Variants in VASH2 observed in about 807,000 individuals in gnomAD.
VASH2 encodes tubulinyl-Tyr carboxypeptidase 2.
VASH2 carries 28 observed loss-of-function variants against 37.2 expected under a neutral mutation model. That is an observed-to-expected ratio of 0.75 (90% CI 0.56 to 1.03). The LOEUF is 1.03. VASH2 is among the 50% of genes least tolerant of loss of function. VASH2 has a pLI of 0.00. For missense variants in VASH2, 419 were observed against 459.1 expected (o/e 0.91, Z 0.80); for synonymous variants, 188 against 174.7 (o/e 1.08, Z -0.60).
At chr1:212,968,151 T>G in intron 5 of VASH2, 62 of 948,848 alleles carry the variant, frequency 6.5e-5, no homozygotes, top group East Asian at 1.2e-4. Context: ...GATGTCGGAA[T>G]GAGGTATTTG....
chr1:212,970,687 C>T (rs138952261), intron 5 of VASH2, among the ~76,000 whole-genome samples: 3 of 152,014 alleles, frequency 2.0e-5, no homozygotes, highest in South Asian at 4.2e-4. Flanking sequence ...GTCAGGAGTT[C>T]GAGACCAGCC....
chr1:212,988,800 G>T lies in VASH2; in HGVS notation c.*216G>T. 1 of 557,714 alleles carries T rather than the reference G, an allele frequency of 1.8e-6. No individual in the cohort carries two copies. 34.5% of individuals were successfully genotyped at this position (557,714 alleles called of 1,614,324 possible). On this transcript the variant is annotated 3_prime_UTR_variant, in exon 8 of 8. Transcript: ENST00000517399. ...GGCTGAAGTAATAAGCCCCACTGGG[G>T]TTGGACTATGTCCCTCACTCAAGAT...
At chr1:212,961,060 C>A in intron 2 of VASH2, 106 bp from the exon 3 acceptor site, 2 of 1,104,802 alleles carry the variant, frequency 1.8e-6, no homozygotes, top group Admixed American at 1.8e-5. Context: ...CATCGGCTCT[C>A]AGGAGCACCT....
At chr1:212,967,463 C>A (rs1481123512) in intron 5 of VASH2, 7 of 1,166,898 alleles carry the variant, frequency 6.0e-6, no homozygotes, top group Non-Finnish European at 7.5e-6. Flanking sequence ...CACTGCAAGA[C>A]AGGAGCTTGA....
chr1:212,958,419 G>A (rs980734746), intron 2 of VASH2, among the ~76,000 whole-genome samples: 39 of 152,230 alleles, frequency 2.6e-4, no homozygotes, highest in Non-Finnish European at 2.9e-5. Flanking sequence ...CCATGCAGCT[G>A]TTTTTAAAAG....
chr1:212,973,009 A>G (rs756220304), intron 6 of VASH2, 48 bp downstream of exon 6: 1 of 1,574,308 alleles, frequency 6.4e-7, no homozygotes. Context: ...CTCTTTTCCC[A>G]TTCCTTTCTC....
At chr1:212,973,444 GA>G (rs1367276689) in intron 6 of VASH2, 8 of 1,291,026 alleles carry the variant, frequency 6.2e-6, no homozygotes, top group Non-Finnish European at 8.1e-6. Context: ...GTCACTAAGA[GA>G]AAAGGATTAT....
chr1:212,955,940 G>A (rs1666476124), intron 2 of VASH2, among the ~76,000 whole-genome samples: 1 of 152,222 alleles, frequency 6.6e-6, no homozygotes, highest in Non-Finnish European at 1.5e-5. Flanking sequence ...CAGGAGCCTG[G>A]GGCTCATTCT....
At chr1:212,959,350 C>A (rs1406675384) in intron 2 of VASH2, among the ~76,000 whole-genome samples, 3 of 152,052 alleles carry the variant, frequency 2.0e-5, no homozygotes, top group Admixed American at 1.3e-4. Context: ...TCTCAGACAG[C>A]AATGTGATTG....
chr1:212,983,443 A>G (rs987792156), intron 7 of VASH2, among the ~76,000 whole-genome samples: 3 of 152,210 alleles, frequency 2.0e-5, no homozygotes, highest in Non-Finnish European at 2.9e-5. Flanking sequence ...CAAGTGTGCA[A>G]AGGGGCCAAA....
chr1:212,975,891 T>G (rs1667156054), intron 7 of VASH2, among the ~76,000 whole-genome samples: 1 of 152,210 alleles, frequency 6.6e-6, no homozygotes, highest in Admixed American at 6.5e-5. Context: ...GGCAATGGAT[T>G]CCTGCACAGA....
intron 2 of VASH2, among the ~76,000 whole-genome samples, 195 bp downstream of exon 2, chr1:212,952,013 A>G (rs990482989): frequency 1.3e-5 from 2 of 152,150 alleles, no homozygotes; most frequent in African/African-American, 4.8e-5. Context: ...GAAATGGGGA[A>G]GGGAGAGGTA....
rs751052622 is a variant in VASH2, at chr1:212,972,809, G to A, written c.727G>A (p.Val243Ile). ...CTCTTACAAGAAATACCTGCACACA[G>A]TCAAGAAGGTCAAGATTGGGCTGTA... is the stretch of plus-strand genomic sequence containing the variant. ...EDSYKKYLHT[V>I]KKVKIGLYVP... The change falls in exon 6 of 8, where the codon GTC (valine) becomes ATC (isoleucine). Residue 243 changes from valine (V) to isoleucine (I), a missense_variant. By Grantham distance (29) the Val-to-Ile change is conservative. Around this residue, in one of 3 missense-constraint regions of VASH2, gnomAD observed 177 missense variants for 166.2 expected, o/e 1.06. Coordinates refer to ENST00000517399, the MANE Select transcript of VASH2 (RefSeq NM_001301056.2). 6.2e-7 allele frequency: 1 copy of A among 1,614,214 alleles called. No homozygotes were observed. The highest frequency in any genetic ancestry group is 8.5e-7 in the Non-Finnish European group (1 of 1,180,050).
chr1:212,968,812 A>G (rs1666922581), intron 5 of VASH2: 3 of 985,524 alleles, frequency 3.0e-6, no homozygotes, highest in Non-Finnish European at 3.6e-6. Context: ...AGATCAACGA[A>G]GGGGAACACA....
chr1:212,973,438 C>G, intron 6 of VASH2: 1 of 1,291,248 alleles, frequency 7.7e-7, no homozygotes, highest in Non-Finnish European at 1.0e-6. Context: ...TGTGCAGTCA[C>G]TAAGAGAAAA....
In VASH2 at chr1:212,989,125, T is replaced by G. The variant is rs61832447; in HGVS notation, c.*541T>G. ...CTTTCCCCAGTATTTCCCATGGGGATCTCCACAAGTTTGGAGTTTTTTCCT... is the reference window on the plus strand; with the variant it reads ...CTTTCCCCAGTATTTCCCATGGGGAGCTCCACAAGTTTGGAGTTTTTTCCT... On this transcript the variant is annotated 3_prime_UTR_variant, in exon 8 of 8. Transcript: ENST00000517399. 0.036 allele frequency: 5,599 copies of G among 155,832 alleles called. 144 individuals are homozygous for G. Among genetic ancestry groups the G allele is most frequent in the Middle Eastern group, 0.054 (16 of 298 alleles). The allele number at this position is 155,832 out of a possible 1,614,324, so 9.7% of individuals were successfully genotyped here.
In VASH2 at chr1:212,965,714, T is replaced by C. The variant is rs1409724634; in HGVS notation, c.366-8T>C. ...TTCTGTCACTTTCCCTTTACATACT[T>C]TACACAGATATAATCACACAGGGAC... On this transcript the variant is annotated splice_region_variant and splice_polypyrimidine_tract_variant and intron_variant, in intron 3 of 7. Coordinates refer to ENST00000517399, the MANE Select transcript of VASH2 (RefSeq NM_001301056.2). 1.3e-6 allele frequency: 2 copies of C among 1,550,980 alleles called. No individual in the cohort carries two copies. Among genetic ancestry groups the C allele is most frequent in the East Asian group, 2.4e-5 (1 of 40,926 alleles).
chr1:212,973,651 C>CA (rs1667078294), intron 6 of VASH2: 1 of 1,236,566 alleles, frequency 8.1e-7, no homozygotes, highest in Non-Finnish European at 1.0e-6. Flanking sequence ...ACTTGCCAAG[C>CA]AAACAAACAC....
At chr1:212,975,161 A>G (rs1351449037) in intron 7 of VASH2, among the ~76,000 whole-genome samples, 1 of 152,222 alleles carries the variant, frequency 6.6e-6, no homozygotes, top group Non-Finnish European at 1.5e-5. Context: ...AATGGGGCTG[A>G]AACCCAGGTC....
Sources: allele counts gnomAD v4.1 joint callset (sites outside exome capture counted in the v4.1 genomes callset), GRCh38; gene constraint gnomAD v4.1.1; regional missense constraint gnomAD v4.1.1; transcripts MANE v1.5; gene names NCBI Gene and HGNC (gene_info 2026-07-23, HGNC 2026-07-21).